The following PIK3R4 variants were observed in gnomAD, a reference collection of about 807,000 sequenced individuals.
PIK3R4 encodes the protein phosphoinositide-3-kinase regulatory subunit 4, also known as phosphoinositide 3-kinase regulatory subunit 4.
PIK3R4 carries 46 observed loss-of-function variants against 136.5 expected under a neutral mutation model. The observed-to-expected ratio is 0.34, with a 90% confidence interval of 0.27 to 0.43. The LOEUF is 0.43. PIK3R4 is among the 20% of genes least tolerant of loss of function. The pLI, the probability that PIK3R4 is intolerant of heterozygous loss-of-function variation, is 1.00. For missense variants in PIK3R4, 1,331 were observed against 1,649.5 expected (o/e 0.81, Z 3.35); for synonymous variants, 557 against 566.7 (o/e 0.98, Z 0.24).
intron 13 of PIK3R4, among the ~76,000 whole-genome samples, chr3:130,698,573 G>A (rs1337394540): frequency 2.0e-5 from 3 of 151,932 alleles, no homozygotes; most frequent in Non-Finnish European, 4.4e-5. Context: ...TTGTCTATTT[G>A]GTTAGACACT....
At chr3:130,694,700 T>A (rs2066536688) in intron 13 of PIK3R4, among the ~76,000 whole-genome samples, 1 of 152,104 alleles carries the variant, frequency 6.6e-6, no homozygotes, top group Non-Finnish European at 1.5e-5. Context: ...TTGCTAATTC[T>A]CCATATACAT....
chr3:130,685,552 C>T (rs2066485007), intron 15 of PIK3R4, among the ~76,000 whole-genome samples: 1 of 152,154 alleles, frequency 6.6e-6, no homozygotes, highest in South Asian at 2.1e-4. Flanking sequence ...AGCTATCCAT[C>T]AACTGAGGGA....
intron 16 of PIK3R4, among the ~76,000 whole-genome samples, chr3:130,682,322 TG>T (rs1452703826): frequency 2.6e-5 from 4 of 151,994 alleles, no homozygotes; most frequent in Non-Finnish European, 5.9e-5. Context: ...GCTCTGAAGA[TG>T]AAAGAAGGAG....
chr3:130,704,543 A>G (rs2066596332), intron 12 of PIK3R4, among the ~76,000 whole-genome samples: 1 of 152,228 alleles, frequency 6.6e-6, no homozygotes, highest in Non-Finnish European at 1.5e-5. Context: ...AAATATCTAT[A>G]TATAAGCACA....
chr3:130,737,198 C>T (rs1016864423), intron 2 of PIK3R4, among the ~76,000 whole-genome samples: 1 of 152,118 alleles, frequency 6.6e-6, no homozygotes, highest in Non-Finnish European at 1.5e-5. Flanking sequence ...TCTTGATTGC[C>T]GGTTTAAAAC....
intron 12 of PIK3R4, among the ~76,000 whole-genome samples, chr3:130,704,155 G>C (rs1390252344): frequency 6.6e-6 from 1 of 152,164 alleles, no homozygotes; most frequent in Non-Finnish European, 1.5e-5. Flanking sequence ...AGAAGGCACA[G>C]CAGTTACCTG....
intron 7 of PIK3R4, among the ~76,000 whole-genome samples, chr3:130,720,031 G>A (rs1353203754): frequency 6.6e-6 from 1 of 152,102 alleles, no homozygotes; most frequent in Non-Finnish European, 1.5e-5. Flanking sequence ...ACCCACAGGT[G>A]CATGACGAAA....
At position 130,682,734 on chromosome 3, in the gene PIK3R4, CT is replaced by C. The variant is rs1047584862; in HGVS notation, c.3608-1144del. 1.7e-4 allele frequency among the ~76,000 whole-genome samples: 26 copies of C among 152,294 alleles called. 2 individuals carry two copies. The highest frequency in any genetic ancestry group is 6.0e-4 in the African/African-American group (25 of 41,550). The stretch of plus-strand genomic sequence containing the variant: ...ACTGTGCTATCTTTTTTAATACCCC[CT>C]ACACCCAAACCTTTGTAAACAATTT... On this transcript the variant is annotated intron_variant, in intron 16 of 19. Transcript: ENST00000356763.
intron 13 of PIK3R4, among the ~76,000 whole-genome samples, chr3:130,699,762 A>G (rs2066565620): frequency 6.6e-6 from 1 of 152,200 alleles, no homozygotes; most frequent in Non-Finnish European, 1.5e-5. Context: ...AAACACAATT[A>G]TCAATGTTTT....
intron 7 of PIK3R4, among the ~76,000 whole-genome samples, chr3:130,719,659 A>C (rs950096130): frequency 6.6e-6 from 1 of 152,200 alleles, no homozygotes; most frequent in African/African-American, 2.4e-5. Flanking sequence ...AGCTAAACCC[A>C]TAACGGTTTG....
At chr3:130,728,318 T>G in intron 6 of PIK3R4, 145 bp downstream of exon 6, 1 of 613,146 alleles carries the variant, frequency 1.6e-6, no homozygotes, top group East Asian at 2.9e-5. Context: ...ACTTACATCA[T>G]CCAAAAGCAG....
At chr3:130,732,779 G>T (rs1446053226) in intron 4 of PIK3R4, among the ~76,000 whole-genome samples, 2 of 148,238 alleles carry the variant, frequency 1.3e-5, no homozygotes, top group East Asian at 2.0e-4. Context: ...TAAAATGAAT[G>T]AACTACATTT....
chr3:130,732,466 A>C lies in PIK3R4; in HGVS notation c.1450+1082T>G, dbSNP rs958451497. On this transcript the variant is annotated intron_variant, in intron 4 of 19. Transcript: ENST00000356763. ...ATAAACTTTCATTTGATTTGATTTT[A>C]TCTGGTTCAATTATTTAATTTATAT... Among the ~76,000 whole-genome samples, 4 of 152,216 alleles carry C rather than the reference A, an allele frequency of 2.6e-5. No homozygotes were observed. The South Asian group carries it at 6.2e-4, about 24-fold the overall frequency.
intron 13 of PIK3R4, among the ~76,000 whole-genome samples, chr3:130,700,243 C>CAG (rs1473026417): frequency 4.6e-5 from 7 of 152,172 alleles, no homozygotes; most frequent in Non-Finnish European, 7.4e-5. Flanking sequence ...TTCAACACTA[C>CAG]CAGTGACTCC....
rs147065831 is a variant in PIK3R4, at chr3:130,718,534, G to A, written c.1982C>T (p.Ala661Val). ...TAAATTGGGATGACACAGGAAGGGG[G>A]CTAAAGAGGAAAAGAAAAGGTAGGG... ...PHVYEFASDI[A>V]PFLCHPNLWI... is the part of the protein sequence containing the mutation. Residue 661 changes from alanine to valine, a missense_variant and splice_region_variant, in exon 8 of 20, where the codon GCC (alanine) becomes GTC (valine). This residue lies in a region of PIK3R4 where 1,180 missense variants were observed against 1,407.0 expected (regional missense o/e 0.84). Transcript: ENST00000356763. The A allele has an allele frequency of 1.5e-5, 24 of 1,613,546 alleles. No individual in the cohort carries two copies. The highest frequency in any genetic ancestry group is 2.2e-5 in the South Asian group (2 of 91,032).
At chr3:130,708,730 C>T (rs1365236760) in intron 9 of PIK3R4, among the ~76,000 whole-genome samples, 1 of 152,102 alleles carries the variant, frequency 6.6e-6, no homozygotes, top group Non-Finnish European at 1.5e-5. Context: ...TGATTTATAT[C>T]TTAACTTTCT....
chr3:130,719,414 A>T (rs1045683376), intron 7 of PIK3R4, among the ~76,000 whole-genome samples: 1 of 152,216 alleles, frequency 6.6e-6, no homozygotes, highest in Admixed American at 6.5e-5. Flanking sequence ...AAATAGGAAT[A>T]CAATCATAGG....
intron 13 of PIK3R4, among the ~76,000 whole-genome samples, chr3:130,698,542 A>C (rs1367657959): frequency 6.6e-6 from 1 of 151,910 alleles, no homozygotes; most frequent in East Asian, 1.9e-4. Context: ...CTATTTTATG[A>C]TTTCTATCTC....
chr3:130,693,362 G>A (rs558001140), intron 13 of PIK3R4, among the ~76,000 whole-genome samples: 6 of 152,232 alleles, frequency 3.9e-5, no homozygotes, highest in Admixed American at 2.6e-4. Context: ...TATGTCTACC[G>A]TTTTGAAAGG....
Sources: gnomAD v4.1 joint callset for allele counts (sites outside exome capture counted in the v4.1 genomes callset) on GRCh38, gnomAD v4.1.1 for gene constraint, gnomAD v4.1.1 regional missense constraint, MANE v1.5 for transcripts, NCBI Gene and HGNC (gene_info 2026-07-23, HGNC 2026-07-21) for gene names.